Variants in MBD5 observed in about 807,000 individuals in gnomAD.
MBD5 encodes methyl-CpG binding domain protein 5, also known as methyl-CpG-binding domain protein 5.
MBD5 carries 13 observed loss-of-function variants against 117.3 expected under a neutral mutation model. The observed-to-expected ratio is 0.11, with a 90% CI of 0.07 to 0.18. The LOEUF is 0.18. Among genes scored for constraint, MBD5 ranks in the 10% least tolerant of loss-of-function variants. The pLI, the probability that MBD5 is intolerant of heterozygous loss-of-function variation, is 1.00. For synonymous variants in MBD5, 727 were observed against 766.4 expected (o/e 0.95, Z 0.85); for missense variants, 1,879 against 2,093.8 (o/e 0.90, Z 2.00).
intron 4 of MBD5, among the ~76,000 whole-genome samples, chr2:148,399,415 A>G (rs1246914747): frequency 6.6e-6 from 1 of 152,112 alleles, no homozygotes; most frequent in Non-Finnish European, 1.5e-5. Flanking sequence ...CTTTGAAGCA[A>G]TTGTGAATGG....
At chr2:148,395,489 A>G (rs1297687979) in intron 4 of MBD5, among the ~76,000 whole-genome samples, 1 of 148,400 alleles carries the variant, frequency 6.7e-6, no homozygotes, top group Non-Finnish European at 1.5e-5. Context: ...CGGTGGCGCA[A>G]TCTTGGCTCA....
chr2:148,204,086 G>A (rs902363978), intron 2 of MBD5, among the ~76,000 whole-genome samples: 4 of 151,864 alleles, frequency 2.6e-5, no homozygotes, highest in African/African-American at 9.7e-5. Context: ...GAAAAGAGAA[G>A]AGAAAAAATG....
chr2:148,274,617 C>A (rs4972345), intron 3 of MBD5, among the ~76,000 whole-genome samples: 120,699 of 152,148 alleles, frequency 0.79, 48,706 homozygotes, highest in East Asian at 1. Flanking sequence ...TGGGTCCTTG[C>A]ATGACTGTGA....
At chr2:148,481,957 A>G (rs1051881110) in intron 8 of MBD5, among the ~76,000 whole-genome samples, 1 of 152,204 alleles carries the variant, frequency 6.6e-6, no homozygotes, top group Non-Finnish European at 1.5e-5. Context: ...TAAGAATGCT[A>G]TGTAAGACTG....
chr2:148,200,185 CT>C (rs1033675810), intron 2 of MBD5, among the ~76,000 whole-genome samples: 2 of 147,068 alleles, frequency 1.4e-5, no homozygotes, highest in African/African-American at 2.5e-5. Flanking sequence ...ACCTTGCTTT[CT>C]TTTTCCCCCC....
At chr2:148,406,834 T>G (rs1486691946) in intron 4 of MBD5, among the ~76,000 whole-genome samples, 3 of 152,206 alleles carry the variant, frequency 2.0e-5, no homozygotes, top group Non-Finnish European at 4.4e-5. Flanking sequence ...ACGGTCAGCT[T>G]CTTTCTCATC....
At chr2:148,402,844 G>A (rs1345026611) in intron 4 of MBD5, among the ~76,000 whole-genome samples, 6 of 151,994 alleles carry the variant, frequency 3.9e-5, no homozygotes. Flanking sequence ...AGTGTTAACA[G>A]AAGTTATCAG....
intron 2 of MBD5, among the ~76,000 whole-genome samples, chr2:148,181,001 A>G (rs1346078908): frequency 6.6e-6 from 1 of 152,200 alleles, no homozygotes; most frequent in East Asian, 1.9e-4. Flanking sequence ...AAGAGAGAAT[A>G]TTATGAACCG....
At chr2:148,319,895 A>G (rs186826503) in intron 3 of MBD5, among the ~76,000 whole-genome samples, 4 of 152,264 alleles carry the variant, frequency 2.6e-5, no homozygotes, top group African/African-American at 7.2e-5. Context: ...TGGGACTGTC[A>G]TATATGGCCT....
rs1210956256 is a variant in MBD5, at chr2:148,515,878, CTT to C, written c.*2938_*2939del. 2 of 152,082 alleles carry C rather than the reference CTT, an allele frequency of 1.3e-5. No individual in the cohort carries two copies. The highest frequency in any genetic ancestry group is 4.8e-5 in the African/African-American group (2 of 41,406). 9.4% of individuals were successfully genotyped at this position (152,082 alleles called of 1,614,324 possible). A position where few individuals can be genotyped will look rare whatever the true frequency, so the allele number is the denominator to read the frequency against. The stretch of plus-strand genomic sequence containing the variant: ...ACTGAGCAGCTTTTGTGTGATTTGT[CTT>C]GTTTGTAGCATTAAAAGCAAACCAG... On this transcript the variant is annotated 3_prime_UTR_variant, in exon 14 of 14. Transcript: ENST00000642680.
At chr2:148,495,794 A>T (rs1196873397) in intron 11 of MBD5, among the ~76,000 whole-genome samples, 2 of 152,218 alleles carry the variant, frequency 1.3e-5, no homozygotes, top group Non-Finnish European at 2.9e-5. Flanking sequence ...AAAACCAACA[A>T]AACTTATCTT....
intron 1 of MBD5, among the ~76,000 whole-genome samples, chr2:148,087,171 C>T (rs566533917): frequency 6.6e-6 from 1 of 152,272 alleles, no homozygotes; most frequent in Non-Finnish European, 1.5e-5. Flanking sequence ...ATCACCAATC[C>T]TTTGAAAGCA....
intron 2 of MBD5, among the ~76,000 whole-genome samples, chr2:148,224,051 G>C (rs1295488870): frequency 6.6e-6 from 1 of 151,988 alleles, no homozygotes; most frequent in Non-Finnish European, 1.5e-5. Flanking sequence ...TCTTATTATG[G>C]ATTATGAGTT....
intron 3 of MBD5, among the ~76,000 whole-genome samples, chr2:148,298,249 A>G (rs937871412): frequency 2.6e-5 from 4 of 152,216 alleles, no homozygotes; most frequent in Non-Finnish European, 5.9e-5. Context: ...TACATCTGCA[A>G]TACATAGCTG....
At chr2:148,338,200 T>C (rs1388881326) in intron 3 of MBD5, among the ~76,000 whole-genome samples, 1 of 152,218 alleles carries the variant, frequency 6.6e-6, no homozygotes, top group Non-Finnish European at 1.5e-5. Context: ...GTTTTAAATG[T>C]GTTTTTGATA....
At chr2:148,403,697 G>A (rs996935555) in intron 4 of MBD5, among the ~76,000 whole-genome samples, 3 of 152,022 alleles carry the variant, frequency 2.0e-5, no homozygotes, top group Non-Finnish European at 2.9e-5. Flanking sequence ...AGAATATATC[G>A]ATACAATGCA....
intron 1 of MBD5, among the ~76,000 whole-genome samples, chr2:148,141,851 T>C (rs1697324217): frequency 6.6e-6 from 1 of 151,806 alleles, no homozygotes; most frequent in African/African-American, 2.4e-5. Context: ...GTGGCTTACA[T>C]CCGTAATCCC....
At chr2:148,501,666 C>T (rs1201024535) in intron 11 of MBD5, among the ~76,000 whole-genome samples, 1 of 151,932 alleles carries the variant, frequency 6.6e-6, no homozygotes, top group South Asian at 2.1e-4. Context: ...GTTGCACCCT[C>T]CACACACACA....
intron 4 of MBD5, among the ~76,000 whole-genome samples, chr2:148,379,234 A>C (rs1704067006): frequency 6.6e-6 from 1 of 152,094 alleles, no homozygotes. Context: ...GTCATCAAAT[A>C]CAAAAAAAAG....
Sources: gnomAD v4.1 joint callset for allele counts (sites outside exome capture counted in the v4.1 genomes callset) on GRCh38, gnomAD v4.1.1 for gene constraint, MANE v1.5 for transcripts, NCBI Gene and HGNC (gene_info 2026-07-23, HGNC 2026-07-21) for gene names.